CYP7B1: variants seen among roughly 807,000 people sequenced by gnomAD.
CYP7B1 encodes the protein cytochrome P450 7B1.
Under a neutral mutation model 42.7 loss-of-function variants are expected in CYP7B1, and 29 were observed. That is an observed-to-expected ratio of 0.68 (90% CI 0.51 to 0.93). The LOEUF (loss-of-function observed/expected upper bound fraction) is 0.93, where lower values mean the gene tolerates loss of function less well. Ranked by LOEUF, CYP7B1 falls within the 40% of genes least tolerant of loss-of-function variation. The pLI, the probability that CYP7B1 is intolerant of heterozygous loss-of-function variation, is 0.00. For missense variants in CYP7B1, 655 were observed against 600.5 expected (o/e 1.09, Z -0.95); for synonymous variants, 235 against 218.2 (o/e 1.08, Z -0.68).
intron 1 of CYP7B1, among the ~76,000 whole-genome samples, chr8:64,670,802 C>T (rs1245838936): frequency 6.6e-6 from 1 of 152,180 alleles, no homozygotes; most frequent in Non-Finnish European, 1.5e-5. Flanking sequence ...ATGTAGATGC[C>T]TGACCCTCCT....
chr8:64,798,641 G>T lies in CYP7B1; in HGVS notation c.-54C>A. ...CCCGGGGTCTGCCTGCGAACAGCGC[G>T]GTCGGCGACTCTGCAGCCTGCGGCG... On this transcript the variant is annotated 5_prime_UTR_variant, in exon 1 of 6. Transcript: ENST00000310193. The T allele has an allele frequency of 7.0e-7, 1 of 1,436,450 alleles. No homozygotes were observed. The highest frequency in any genetic ancestry group is 1.5e-5 in the African/African-American group (1 of 66,530). 89.0% of individuals were successfully genotyped at this position (1,436,450 alleles called of 1,614,324 possible).
At chr8:64,690,729 C>T (rs913791456) in intron 1 of CYP7B1, among the ~76,000 whole-genome samples, 12 of 152,042 alleles carry the variant, frequency 7.9e-5, no homozygotes, top group East Asian at 3.9e-4. Flanking sequence ...GATTGTGAAA[C>T]GAGAAAGCAT....
intron 1 of CYP7B1, among the ~76,000 whole-genome samples, chr8:64,740,550 A>G (rs1195530907): frequency 6.6e-6 from 1 of 151,798 alleles, no homozygotes; most frequent in Admixed American, 6.6e-5. Flanking sequence ...AATCAACAAA[A>G]CCAAAGGTGA....
At chr8:64,606,152 C>T (rs536101106) in intron 4 of CYP7B1, among the ~76,000 whole-genome samples, 2 of 152,274 alleles carry the variant, frequency 1.3e-5, no homozygotes, top group South Asian at 4.1e-4. Flanking sequence ...TACAGTGAGG[C>T]AGTGCATATT....
At chr8:64,749,704 C>T (rs1425188249) in intron 1 of CYP7B1, among the ~76,000 whole-genome samples, 1 of 152,050 alleles carries the variant, frequency 6.6e-6, no homozygotes, top group Non-Finnish European at 1.5e-5. Context: ...TTTGTAATTC[C>T]CTGTATACGA....
rs57590025 is a variant in CYP7B1, at chr8:64,593,232, G to GGT, written c.*3408_*3409dup. On this transcript the variant is annotated 3_prime_UTR_variant, in exon 6 of 6. Coordinates refer to ENST00000310193, the MANE Select transcript of CYP7B1 (RefSeq NM_004820.5). ...TGGTGGACTAAAGGCTAGGGCCCAG[G>GGT]GTGTGTGTGTGTGTGTGTGTGTGTG... is the stretch of plus-strand genomic sequence containing the variant. Among the ~76,000 whole-genome samples, 4,258 of 123,240 alleles carry GGT rather than the reference G, an allele frequency of 0.035. 76 individuals are homozygous for GGT. The highest frequency in any genetic ancestry group is 0.066 in the Middle Eastern group (16 of 242). 80.9% of individuals were successfully genotyped at this position (123,240 alleles called of 152,430 possible). A position where few individuals can be genotyped will look rare whatever the true frequency, so the allele number is the denominator to read the frequency against.
rs181782378 is a variant in CYP7B1 at position 64,682,353 on chromosome 8, G to T, written c.123-57814C>A. Among the ~76,000 whole-genome samples the T allele has an allele frequency of 6.3e-3, 962 of 152,306 alleles. 5 individuals carry two copies. The highest frequency in any genetic ancestry group is 0.01 in the Non-Finnish European group (701 of 68,026). On this transcript the variant is annotated intron_variant, in intron 1 of 5. Coordinates refer to ENST00000310193, the MANE Select transcript of CYP7B1 (RefSeq NM_004820.5). ...TAAGACTCATCCTACAGACAAAAGT[G>T]AGCAAGTGTGCATTTTTTAAAGTAG...
rs1037742247 is a variant in CYP7B1, at chr8:64,593,338, T to C, written c.*3304A>G. On this transcript the variant is annotated 3_prime_UTR_variant, in exon 6 of 6. Transcript: ENST00000310193. The stretch of plus-strand genomic sequence containing the variant: ...GAACTTGCAAAGACAACATACTCAA[T>C]AGGTGAACTAGAAAGAAACTGTGCT... Among the ~76,000 whole-genome samples, 2 of 150,774 alleles carry C rather than the reference T, an allele frequency of 1.3e-5. No individual in the cohort carries two copies. Among genetic ancestry groups the C allele is most frequent in the African/African-American group, 4.9e-5 (2 of 40,978 alleles).
At chr8:64,590,003 C>T (rs1424319894), downstream of CYP7B1, among the ~76,000 whole-genome samples, 1 of 152,186 alleles carries the variant, frequency 6.6e-6, no homozygotes, top group Non-Finnish European at 1.5e-5. Context: ...TCAAAAAACA[C>T]AGCACAGCCA....
intron 1 of CYP7B1, among the ~76,000 whole-genome samples, chr8:64,688,480 C>T (rs752241908): frequency 1.3e-5 from 2 of 150,114 alleles, no homozygotes; most frequent in Non-Finnish European, 3.0e-5. Context: ...ACACTAGAAG[C>T]TGAAGATACA....
intron 1 of CYP7B1, among the ~76,000 whole-genome samples, chr8:64,682,855 C>G (rs1049680366): frequency 6.6e-6 from 1 of 152,166 alleles, no homozygotes; most frequent in Non-Finnish European, 1.5e-5. Context: ...CTATTAACAT[C>G]TTAAACTTCA....
At chr8:64,600,705 T>C (rs964362276) in intron 5 of CYP7B1, among the ~76,000 whole-genome samples, 1 of 152,100 alleles carries the variant, frequency 6.6e-6, no homozygotes, top group Non-Finnish European at 1.5e-5. Context: ...ATTAGTAACA[T>C]GAAATTGGCC....
At chr8:64,766,537 G>A (rs1311328874) in intron 1 of CYP7B1, among the ~76,000 whole-genome samples, 3 of 151,930 alleles carry the variant, frequency 2.0e-5, no homozygotes, top group Non-Finnish European at 4.4e-5. Flanking sequence ...AAAGGCCACT[G>A]CTTTAGTCAT....
chr8:64,633,701 T>G (rs540185359), intron 1 of CYP7B1, among the ~76,000 whole-genome samples: 8 of 152,152 alleles, frequency 5.3e-5, no homozygotes, highest in Non-Finnish European at 1.0e-4. Flanking sequence ...CTCAACTTGA[T>G]TTACAGATTC....
chr8:64,608,421 T>A (rs1292154953), intron 4 of CYP7B1, among the ~76,000 whole-genome samples: 1 of 152,212 alleles, frequency 6.6e-6, no homozygotes. Context: ...GTGGAATGAA[T>A]GTACTGTGAC....
At chr8:64,777,436 T>C (rs1188265878) in intron 1 of CYP7B1, among the ~76,000 whole-genome samples, 2 of 152,080 alleles carry the variant, frequency 1.3e-5, no homozygotes, top group Non-Finnish European at 2.9e-5. Context: ...AATTAAGAAG[T>C]TGAAAACAAT....
chr8:64,662,194 G>A (rs1010156503), intron 1 of CYP7B1, among the ~76,000 whole-genome samples: 1 of 152,156 alleles, frequency 6.6e-6, no homozygotes, highest in African/African-American at 2.4e-5. Context: ...ATTGCTGGGT[G>A]CAGTGGTATG....
At chr8:64,725,406 T>C (rs1289749901) in intron 1 of CYP7B1, among the ~76,000 whole-genome samples, 3 of 152,232 alleles carry the variant, frequency 2.0e-5, no homozygotes, top group Admixed American at 6.5e-5. Flanking sequence ...ACTTTCCCCC[T>C]GTGTCAAGTT....
At chr8:64,747,716 C>A (rs1354722754) in intron 1 of CYP7B1, among the ~76,000 whole-genome samples, 5 of 151,870 alleles carry the variant, frequency 3.3e-5, no homozygotes, top group Non-Finnish European at 7.4e-5. Context: ...ATTCAACTAA[C>A]TTTACCGATA....
Sources: gnomAD v4.1 joint callset for allele counts (sites outside exome capture counted in the v4.1 genomes callset) on GRCh38, gnomAD v4.1.1 for gene constraint, MANE v1.5 for transcripts, NCBI Gene and HGNC (gene_info 2026-07-23, HGNC 2026-07-21) for gene names.